The following LDB2 variants were observed in gnomAD, a reference collection of about 807,000 sequenced individuals.
LDB2 encodes the protein LIM domain binding 2.
Under a neutral mutation model 44.3 loss-of-function variants are expected in LDB2, and 12 were observed. The ratio of observed to expected loss-of-function variants is 0.27; its 90% CI spans 0.17 to 0.44. The LOEUF is 0.44. LDB2 is among the 20% of genes least tolerant of loss of function. The pLI, the probability that LDB2 is intolerant of heterozygous loss-of-function variation, is 1.00. For missense variants in LDB2, 344 were observed against 473.5 expected, an observed-to-expected ratio of 0.73 and a Z score of 2.54; for synonymous variants, 164 against 174.8, an observed-to-expected ratio of 0.94 and a Z score of 0.49.
At chr4:16,898,097 A>C (rs951793346) in intron 1 of LDB2, among the ~76,000 whole-genome samples, 4 of 151,672 alleles carry the variant, frequency 2.6e-5, no homozygotes, top group African/African-American at 9.7e-5. Flanking sequence ...TGGAAGAGCA[A>C]CATTTCTGGA....
chr4:16,504,554 A>G (rs1718604006), intron 7 of LDB2, among the ~76,000 whole-genome samples: 1 of 152,226 alleles, frequency 6.6e-6, no homozygotes, highest in South Asian at 2.1e-4. Flanking sequence ...TTTATTTATT[A>G]TGCAATGAAG....
intron 2 of LDB2, among the ~76,000 whole-genome samples, chr4:16,658,829 T>C (rs1385910057): frequency 6.6e-6 from 1 of 152,182 alleles, no homozygotes; most frequent in Non-Finnish European, 1.5e-5. Flanking sequence ...TATCTTTAGC[T>C]CCGTTTACAG....
At chr4:16,684,327 T>A (rs548534257) in intron 2 of LDB2, among the ~76,000 whole-genome samples, 8 of 152,358 alleles carry the variant, frequency 5.3e-5, no homozygotes, top group African/African-American at 1.9e-4. Flanking sequence ...GTGTGCCTTT[T>A]GTTTTTAATG....
chr4:16,769,259 C>T (rs1168260194), intron 1 of LDB2, among the ~76,000 whole-genome samples: 2 of 151,756 alleles, frequency 1.3e-5, no homozygotes, highest in Non-Finnish European at 2.9e-5. Context: ...TTAAATCTCC[C>T]CTTTTTTACT....
At chr4:16,816,957 G>A (rs1781053314) in intron 1 of LDB2, among the ~76,000 whole-genome samples, 1 of 151,982 alleles carries the variant, frequency 6.6e-6, no homozygotes, top group Admixed American at 6.6e-5. Flanking sequence ...TCTGCGCCCT[G>A]TACTTATATC....
At chr4:16,512,243 G>A in intron 5 of LDB2, 139 bp from the exon 6 acceptor site, 1 of 789,822 alleles carries the variant, frequency 1.3e-6, no homozygotes, top group Non-Finnish European at 1.9e-6. Flanking sequence ...ATATAAATGT[G>A]AGGAAAAATA....
At chr4:16,524,444 G>C (rs758615625) in intron 5 of LDB2, among the ~76,000 whole-genome samples, 1 of 152,158 alleles carries the variant, frequency 6.6e-6, no homozygotes, top group Non-Finnish European at 1.5e-5. Flanking sequence ...CTAAGATAGA[G>C]GTAGGGAGGG....
At chr4:16,541,100 A>G (rs1386418888) in intron 5 of LDB2, among the ~76,000 whole-genome samples, 2 of 152,148 alleles carry the variant, frequency 1.3e-5, no homozygotes, top group African/African-American at 2.4e-5. Flanking sequence ...AGCAGGTGAA[A>G]TCCAGGTGAT....
chr4:16,695,368 T>C (rs930318320), intron 2 of LDB2, among the ~76,000 whole-genome samples: 9 of 149,908 alleles, frequency 6.0e-5, no homozygotes, highest in Non-Finnish European at 1.3e-4. Context: ...CTGTCTCTAC[T>C]AAAAATACAA....
At chr4:16,581,054 G>A (rs77343204) in intron 5 of LDB2, among the ~76,000 whole-genome samples, 8 of 152,206 alleles carry the variant, frequency 5.3e-5, no homozygotes, top group South Asian at 4.1e-4. Flanking sequence ...AAATGAAAGC[G>A]AAGAATTAAG....
chr4:16,721,079 C>A (rs1579061203), intron 2 of LDB2, among the ~76,000 whole-genome samples: 1 of 152,170 alleles, frequency 6.6e-6, no homozygotes, highest in Admixed American at 6.6e-5. Context: ...TGTCCTCTGG[C>A]AATTTACATA....
At chr4:16,595,949 C>A (rs537744032) in intron 2 of LDB2, 74 bp from the exon 3 acceptor site, 1 of 1,431,014 alleles carries the variant, frequency 7.0e-7, no homozygotes, top group Non-Finnish European at 9.6e-7. Context: ...ACACCATTGC[C>A]AAACCTCCTA....
intron 1 of LDB2, among the ~76,000 whole-genome samples, chr4:16,891,764 G>C (rs1458194100): frequency 6.6e-6 from 1 of 152,144 alleles, no homozygotes; most frequent in Non-Finnish European, 1.5e-5. Flanking sequence ...TCAAGTTAGT[G>C]AATGGGATCA....
chr4:16,870,779 T>C (rs932723489), intron 1 of LDB2, among the ~76,000 whole-genome samples: 1 of 152,020 alleles, frequency 6.6e-6, no homozygotes, highest in Non-Finnish European at 1.5e-5. Context: ...ATTACAGGTG[T>C]CCGCCACCAC....
intron 5 of LDB2, among the ~76,000 whole-genome samples, chr4:16,577,235 T>TC (rs1712039114): frequency 6.6e-6 from 1 of 152,024 alleles, no homozygotes; most frequent in African/African-American, 2.4e-5. Flanking sequence ...GCTAGAGTAA[T>TC]CAAACAAGAG....
chr4:16,513,810 A>C (rs1227177349), intron 5 of LDB2, among the ~76,000 whole-genome samples: 1 of 152,164 alleles, frequency 6.6e-6, no homozygotes, highest in Non-Finnish European at 1.5e-5. Flanking sequence ...CCCCCACAGC[A>C]AGCCATAGAA....
chr4:16,698,849 G>C (rs1415667529), intron 2 of LDB2, among the ~76,000 whole-genome samples: 1 of 152,142 alleles, frequency 6.6e-6, no homozygotes, highest in African/African-American at 2.4e-5. Flanking sequence ...GCATCTTAGT[G>C]ATCTTCTCAT....
chr4:16,580,889 A>G (rs978178928), intron 5 of LDB2, among the ~76,000 whole-genome samples: 1 of 152,202 alleles, frequency 6.6e-6, no homozygotes, highest in African/African-American at 2.4e-5. Flanking sequence ...AATAGACATC[A>G]ATTACTTCTC....
At chr4:16,841,702 C>T (rs762012440) in intron 1 of LDB2, among the ~76,000 whole-genome samples, 4 of 152,080 alleles carry the variant, frequency 2.6e-5, no homozygotes, top group Non-Finnish European at 5.9e-5. Context: ...AACTATAAGC[C>T]GTACACAAAT....
Sources: gnomAD v4.1 joint callset for allele counts (sites outside exome capture counted in the v4.1 genomes callset) on GRCh38, gnomAD v4.1.1 for gene constraint, MANE v1.5 for transcripts, NCBI Gene and HGNC (gene_info 2026-07-23, HGNC 2026-07-21) for gene names.